Variants in PIM1 observed in about 807,000 individuals in gnomAD.
The protein encoded by PIM1 is serine/threonine-protein kinase pim-1.
In PIM1, 9 loss-of-function variants were observed where a neutral mutation model predicts 34.5. That is an observed-to-expected ratio of 0.26 (90% CI 0.16 to 0.46). The LOEUF is 0.46. Among genes scored for constraint, PIM1 ranks in the 20% least tolerant of loss-of-function variants. The pLI, the probability that PIM1 is intolerant of heterozygous loss-of-function variation, is 1.00. For synonymous variants in PIM1, 199 were observed against 175.2 expected, an observed-to-expected ratio of 1.14 and a Z score of -1.07; for missense variants, 274 against 410.9, an observed-to-expected ratio of 0.67 and a Z score of 2.88.
Position 37,170,972 on chromosome 6 carries a change from G to T in PIM1, c.190-9G>T, listed in dbSNP as rs1762272346. ...ACGAGGGAACCTGACGGAGACCCTG[G>T]GCTTCCAGGTGGCCATCAAACACGT... On this transcript the variant is annotated splice_polypyrimidine_tract_variant and intron_variant, in intron 2 of 5. Transcript: ENST00000373509. 6.2e-7 allele frequency: 1 copy of T among 1,614,024 alleles called. No homozygotes were observed. Among genetic ancestry groups the T allele is most frequent in the Non-Finnish European group, 8.5e-7 (1 of 1,179,972 alleles).
rs1002062005 is a variant in PIM1 at position 37,170,969 on chromosome 6, C to G, written c.190-12C>G. The G allele has an allele frequency of 6.2e-7, 1 of 1,613,990 alleles. No individual in the cohort carries two copies. The highest frequency in any genetic ancestry group is 8.5e-7 in the Non-Finnish European group (1 of 1,179,960). On this transcript the variant is annotated splice_polypyrimidine_tract_variant and intron_variant, in intron 2 of 5. Coordinates refer to ENST00000373509, the MANE Select transcript of PIM1 (RefSeq NM_002648.4). ...CGGACGAGGGAACCTGACGGAGACC[C>G]TGGGCTTCCAGGTGGCCATCAAACA...
chr6:37,173,226 G>C, intron 5 of PIM1, 54 bp downstream of exon 5: 1 of 1,514,552 alleles, frequency 6.6e-7, no homozygotes, highest in Admixed American at 1.7e-5. Context: ...GGGGCTATTA[G>C]TCTTCATGGG....
In PIM1 at chr6:37,170,828, C is replaced by T. The variant is rs1384673643; in HGVS notation, c.138C>T (p.Ser46=). The change falls in exon 2 of 6, where the codon AGC becomes AGT. Residue 46 remains serine (S), a synonymous_variant. Coordinates refer to ENST00000373509, the MANE Select transcript of PIM1 (RefSeq NM_002648.4). ...ACCAGGTGGGCCCGCTACTGGGCAG[C>T]GGCGGCTTCGGCTCGGTCTACTCAG... ...SQYQVGPLLG[S]GGFGSVYSGI... 6.2e-6 allele frequency: 10 copies of T among 1,612,630 alleles called. No homozygotes were observed. The highest frequency in any genetic ancestry group is 8.5e-6 in the Non-Finnish European group (10 of 1,179,710).
Position 37,170,756 on chromosome 6 carries a change from G to A in PIM1, c.83-17G>A, listed in dbSNP as rs932945201. On this transcript the variant is annotated splice_polypyrimidine_tract_variant and intron_variant, in intron 1 of 5. Transcript: ENST00000373509. ...TCGCGGGCCGGCACTGAGTCCCCGT[G>A]CTTCCCCCTTTCCTAGGCAAGGAGA... 1.2e-6 allele frequency: 2 copies of A among 1,611,294 alleles called. No homozygotes were observed. The highest frequency in any genetic ancestry group is 8.5e-7 in the Non-Finnish European group (1 of 1,179,280).
intron 2 of PIM1, 37 bp from the exon 3 acceptor site, chr6:37,170,944 C>A (rs1238919195): frequency 6.2e-7 from 1 of 1,613,824 alleles, no homozygotes; most frequent in Admixed American, 1.7e-5. Context: ...TGCTTTAGCC[C>A]GGACGAGGGA....
rs1365678642 is a variant in PIM1 at position 37,170,484 on chromosome 6, G to C, written c.-92G>C. On this transcript the variant is annotated 5_prime_UTR_variant, in exon 1 of 6. Transcript: ENST00000373509. The stretch of plus-strand genomic sequence containing the variant: ...ACCCGCAGCCACAGCCACAGCCACA[G>C]CCCCAGGCATAGCCTTCGGCACAGC... The C allele has an allele frequency of 6.3e-7, 1 of 1,582,350 alleles. No individual in the cohort carries two copies. Among genetic ancestry groups the C allele is most frequent in the Non-Finnish European group, 8.6e-7 (1 of 1,169,168 alleles).
chr6:37,171,265 A>G lies in PIM1; in HGVS notation c.381A>G (p.Gln127=). ...TCCTGGAGAGGCCCGAGCCGGTGCA[A>G]GATCTCTTCGACTTCATCACGGAAA... ...VLILERPEPV[Q]DLFDFITERG... The change falls in exon 4 of 6, where the codon CAA becomes CAG. Residue 127 remains glutamine, a synonymous_variant. Transcript: ENST00000373509. The G allele has an allele frequency of 6.2e-7, 1 of 1,614,138 alleles. No homozygotes were observed. Among genetic ancestry groups the G allele is most frequent in the Non-Finnish European group, 8.5e-7 (1 of 1,180,034 alleles).
At chr6:37,171,718 A>G (rs893449974) in intron 4 of PIM1, among the ~76,000 whole-genome samples, 5 of 152,200 alleles carry the variant, frequency 3.3e-5, no homozygotes, top group Admixed American at 1.3e-4. Context: ...TTCAAGTGGA[A>G]TTCAGTTAGT....
rs775870535 is a variant in PIM1, at chr6:37,170,787, C to G, written c.97C>G (p.Pro33Ala). 1.9e-6 allele frequency: 3 copies of G among 1,612,662 alleles called. No individual in the cohort carries two copies. The highest frequency in any genetic ancestry group is 8.5e-7 in the Non-Finnish European group (1 of 1,179,634). ...CCCTTTCCTAGGCAAGGAGAAGGAG[C>G]CCCTGGAGTCGCAGTACCAGGTGGG... ...TKLAPGKEKE[P>A]LESQYQVGPL... is the part of the protein sequence containing the mutation. The change falls in exon 2 of 6, where the codon CCC (proline) becomes GCC (alanine). Residue 33 changes from proline (P) to alanine (A), a missense_variant. Physicochemically the swap from Pro to Ala is conservative, Grantham distance 27. Coordinates refer to ENST00000373509, the MANE Select transcript of PIM1 (RefSeq NM_002648.4).
chr6:37,171,577 C>T, intron 4 of PIM1, 86 bp downstream of exon 4: 1 of 1,502,846 alleles, frequency 6.7e-7, no homozygotes, highest in East Asian at 2.3e-5. Flanking sequence ...CCCGCGCCAG[C>T]CTTTTGTAAA....
In PIM1 at chr6:37,174,127, A is replaced by G; in HGVS notation, c.*36A>G. The G allele has an allele frequency of 6.3e-7, 1 of 1,589,542 alleles. No homozygotes were observed. ...GGCAGGTCCTCCCCTCTCTTGTCAGATGCCCGAGGGAGGGGAAGCTTCTGT... is the reference window on the plus strand; with the variant it reads ...GGCAGGTCCTCCCCTCTCTTGTCAGGTGCCCGAGGGAGGGGAAGCTTCTGT... On this transcript the variant is annotated 3_prime_UTR_variant, in exon 6 of 6. Transcript: ENST00000373509.
chr6:37,170,362 T>C lies in PIM1; in HGVS notation c.-214T>C. The C allele has an allele frequency of 6.6e-7, 1 of 1,515,646 alleles. No individual in the cohort carries two copies. Among genetic ancestry groups the C allele is most frequent in the South Asian group, 1.2e-5 (1 of 82,674 alleles). 93.9% of individuals were successfully genotyped at this position (1,515,646 alleles called of 1,614,324 possible). ...CGTTCTCAGCGCTGCCCGACCCCGCTGGCGCGCCCTCCCGCCGCCAGTCCC... is the reference window on the plus strand; with the variant it reads ...CGTTCTCAGCGCTGCCCGACCCCGCCGGCGCGCCCTCCCGCCGCCAGTCCC... On this transcript the variant is annotated 5_prime_UTR_variant, in exon 1 of 6. Transcript: ENST00000373509.
intron 4 of PIM1, chr6:37,172,341 CT>C (rs1486560268): frequency 3.3e-6 from 1 of 306,108 alleles, no homozygotes; most frequent in Admixed American, 4.2e-5. Flanking sequence ...TCTTTCAAGT[CT>C]TTGCTGCCCC....
intron 5 of PIM1, 97 bp from the exon 6 acceptor site, chr6:37,173,837 C>T (rs1249818434): frequency 3.4e-6 from 4 of 1,180,986 alleles, no homozygotes; most frequent in Non-Finnish European, 4.8e-6. Flanking sequence ...CCCTGGGACC[C>T]CAGACTTGTG....
At chr6:37,171,929 T>G (rs763273192) in intron 4 of PIM1, among the ~76,000 whole-genome samples, 10 of 152,116 alleles carry the variant, frequency 6.6e-5, no homozygotes, top group Admixed American at 3.3e-4. Flanking sequence ...AGTTCTTAAC[T>G]CCTTTCTGAT....
At chr6:37,170,946 G>T in intron 2 of PIM1, 35 bp from the exon 3 acceptor site, 1 of 1,613,886 alleles carries the variant, frequency 6.2e-7, no homozygotes, top group Non-Finnish European at 8.5e-7. Flanking sequence ...CTTTAGCCCG[G>T]ACGAGGGAAC....
At position 37,173,135 on chromosome 6, in the gene PIM1, C is replaced by G. The variant is rs1583399317; in HGVS notation, c.747C>G (p.Ile249Met). ...DIPFEHDEEI[I>M]RGQVFFRQRV... ...CTTTCGAGCATGACGAAGAGATCAT[C>G]AGGGGCCAGGTTTTCTTCAGGCAGA... The change falls in exon 5 of 6, where the codon ATC becomes ATG. Residue 249 changes from isoleucine (I) to methionine (M), a missense_variant. Ile to Met is a conservative substitution (Grantham distance 10, BLOSUM62 1). Coordinates refer to ENST00000373509, the MANE Select transcript of PIM1 (RefSeq NM_002648.4). 2 of 1,614,132 alleles carry G rather than the reference C, an allele frequency of 1.2e-6. No homozygotes were observed. Among genetic ancestry groups the G allele is most frequent in the Middle Eastern group, 3.3e-4 (2 of 6,062 alleles).
Position 37,174,756 on chromosome 6 carries a change from G to C in PIM1, c.*665G>C, listed in dbSNP as rs1048430983. 8.6e-6 allele frequency: 2 copies of C among 233,678 alleles called. No individual in the cohort carries two copies. Among genetic ancestry groups the C allele is most frequent in the Non-Finnish European group, 1.7e-5 (2 of 118,080 alleles). 14.5% of individuals were successfully genotyped at this position (233,678 alleles called of 1,614,324 possible). A position where few individuals can be genotyped will look rare whatever the true frequency, so the allele number is the denominator to read the frequency against. ...CCTTTAGTAAAACTCCGAGTGAACT[G>C]GTCTTCCTTTTTGGTTTTTACTTAA... On this transcript the variant is annotated 3_prime_UTR_variant, in exon 6 of 6. Coordinates refer to ENST00000373509, the MANE Select transcript of PIM1 (RefSeq NM_002648.4).
Position 37,170,208 on chromosome 6 carries a change from G to T in PIM1, c.-368G>T. ...CTGCAGCGGCCGCGGTGGCTGAGGA[G>T]GCCCGAGAGGAGTCGGTGGCAGCGG... On this transcript the variant is annotated 5_prime_UTR_variant, in exon 1 of 6. In the 5' UTR this introduces an upstream ATG that the reference lacks. Transcript: ENST00000373509. 8.2e-7 allele frequency: 1 copy of T among 1,226,822 alleles called. No homozygotes were observed. The highest frequency in any genetic ancestry group is 1.0e-6 in the Non-Finnish European group (1 of 975,844). 76.0% of individuals were successfully genotyped at this position (1,226,822 alleles called of 1,614,324 possible). A position where few individuals can be genotyped will look rare whatever the true frequency, so the allele number is the denominator to read the frequency against.
Sources: gnomAD v4.1 joint callset for allele counts (sites outside exome capture counted in the v4.1 genomes callset) on GRCh38, gnomAD v4.1.1 for gene constraint, MANE v1.5 for transcripts, NCBI Gene and HGNC (gene_info 2026-07-23, HGNC 2026-07-21) for gene names.